Variants in CDH20 observed in about 807,000 individuals in gnomAD.
CDH20 encodes cadherin 20.
CDH20 carries 29 observed loss-of-function variants against 74.2 expected under a neutral mutation model. That is an observed-to-expected ratio of 0.39 (90% CI 0.29 to 0.53). The LOEUF (loss-of-function observed/expected upper bound fraction) is 0.53, where lower values mean the gene tolerates loss of function less well. CDH20 is among the 20% of genes least tolerant of loss of function. The pLI is 0.69. For missense variants in CDH20, 988 were observed against 1,048.3 expected, an observed-to-expected ratio of 0.94 and a Z score of 0.79; for synonymous variants, 469 against 405.4, an observed-to-expected ratio of 1.16 and a Z score of -1.88.
chr18:61,334,860 C>G (rs1449522451), intron 1 of CDH20, among the ~76,000 whole-genome samples: 1 of 138,880 alleles, frequency 7.2e-6, no homozygotes, highest in African/African-American at 2.5e-5. Context: ...GTTATTGGCA[C>G]GAGCACCAGG....
At chr18:61,400,177 T>C in intron 1 of CDH20, among the ~76,000 whole-genome samples, 1 of 152,184 alleles carries the variant, frequency 6.6e-6, no homozygotes, top group African/African-American at 2.4e-5. Context: ...TCCTGTTGCA[T>C]GTCCACCTCC....
intron 1 of CDH20, among the ~76,000 whole-genome samples, chr18:61,405,457 G>C (rs1205411752): frequency 6.6e-6 from 1 of 152,062 alleles, no homozygotes; most frequent in East Asian, 1.9e-4. Context: ...CTAAAAATTA[G>C]CTGGGGTAGG....
intron 1 of CDH20, among the ~76,000 whole-genome samples, chr18:61,470,170 C>T (rs1332192393): frequency 6.6e-6 from 1 of 152,184 alleles, no homozygotes; most frequent in African/African-American, 2.4e-5. Flanking sequence ...GTATCATACA[C>T]ACCAGAGCAC....
rs1345956883 is a variant in CDH20 at position 61,476,469 on chromosome 18, G to GA, written c.-152-13929dup. Among the ~76,000 whole-genome samples the GA allele has an allele frequency of 5.3e-5, 8 of 152,196 alleles. No individual in the cohort carries two copies. The East Asian group carries it at 1.5e-3, about 29-fold the overall frequency. ...AAATTCCTGATCCATAGAAAACTGT[G>GA]AAAATTAATAAAATGACTGCTGTAT... On this transcript the variant is annotated intron_variant, in intron 1 of 11. Transcript: ENST00000262717.
intron 7 of CDH20, among the ~76,000 whole-genome samples, chr18:61,534,573 AAAAG>A (rs71178980): frequency 0.14 from 21,611 of 152,176 alleles, 1,923 homozygotes; most frequent in East Asian, 0.41. Context: ...ACAGCTTTAG[AAAAG>A]AAAGAAATTC....
At chr18:61,336,838 G>A (rs1909779412) in intron 1 of CDH20, among the ~76,000 whole-genome samples, 2 of 150,074 alleles carry the variant, frequency 1.3e-5, no homozygotes, top group South Asian at 4.2e-4. Context: ...GATGAGAATA[G>A]GTCTTTTCAC....
chr18:61,538,608 G>GTTGTTTTTTT (rs1912904022), intron 8 of CDH20, among the ~76,000 whole-genome samples: 1 of 36,318 alleles, frequency 2.8e-5, no homozygotes, highest in African/African-American at 7.1e-5. Context: ...TTTTGTTTTT[G>GTTGTTTTTTT]TTTTTGTTTT....
chr18:61,499,183 C>T lies in CDH20; in HGVS notation c.247-3C>T. The stretch of plus-strand genomic sequence containing the variant: ...ATGAGAATTAGGTGCTTTCCTCTCC[C>T]AGCTTCATTCAGATATGGACAGGGG... On this transcript the variant is annotated splice_polypyrimidine_tract_variant and splice_region_variant and intron_variant, in intron 2 of 11. Coordinates refer to ENST00000262717, the MANE Select transcript of CDH20 (RefSeq NM_031891.4). 1 of 1,528,940 alleles carries T rather than the reference C, an allele frequency of 6.5e-7. No homozygotes were observed. Among genetic ancestry groups the T allele is most frequent in the South Asian group, 1.3e-5 (1 of 77,306 alleles). The allele number at this position is 1,528,940 out of a possible 1,614,324, so 94.7% of individuals were successfully genotyped here. A position where few individuals can be genotyped will look rare whatever the true frequency, so the allele number is the denominator to read the frequency against.
chr18:61,446,597 C>T (rs1909211521), intron 1 of CDH20, among the ~76,000 whole-genome samples: 2 of 152,058 alleles, frequency 1.3e-5, no homozygotes, highest in African/African-American at 4.8e-5. Flanking sequence ...TCCACAATTT[C>T]CCTCAGTTTA....
At chr18:61,368,460 A>T (rs990326443) in intron 1 of CDH20, among the ~76,000 whole-genome samples, 1 of 151,842 alleles carries the variant, frequency 6.6e-6, no homozygotes, top group African/African-American at 2.4e-5. Context: ...ACAACTACTA[A>T]ATGTAACAGA....
chr18:61,378,760 A>C (rs1911333622), intron 1 of CDH20, among the ~76,000 whole-genome samples: 1 of 152,308 alleles, frequency 6.6e-6, no homozygotes, highest in East Asian at 1.9e-4. Flanking sequence ...TCAGGTAGAT[A>C]ATAAGGGAAA....
At chr18:61,398,754 G>C (rs1390029055) in intron 1 of CDH20, among the ~76,000 whole-genome samples, 1 of 152,118 alleles carries the variant, frequency 6.6e-6, no homozygotes, top group Non-Finnish European at 1.5e-5. Flanking sequence ...CACTCTACAG[G>C]AATCAATGGC....
At chr18:61,522,859 C>T (rs995777004) in intron 6 of CDH20, among the ~76,000 whole-genome samples, 4 of 152,162 alleles carry the variant, frequency 2.6e-5, no homozygotes, top group African/African-American at 7.2e-5. Flanking sequence ...ACTGGCTAGC[C>T]ATATGCAGAA....
At chr18:61,537,837 A>G (rs896857281) in intron 8 of CDH20, among the ~76,000 whole-genome samples, 1 of 152,214 alleles carries the variant, frequency 6.6e-6, no homozygotes, top group African/African-American at 2.4e-5. Context: ...AGTAGAGCAT[A>G]ATTTTTTGGG....
intron 1 of CDH20, among the ~76,000 whole-genome samples, chr18:61,404,468 T>C (rs191470966): frequency 8.1e-4 from 123 of 152,282 alleles, no homozygotes; most frequent in South Asian, 2.3e-3. Flanking sequence ...TTCTTCAATA[T>C]CATATTAAAG....
chr18:61,538,596 G>GGTT (rs1912898968), intron 8 of CDH20, among the ~76,000 whole-genome samples: 1 of 24,518 alleles, frequency 4.1e-5, no homozygotes, highest in African/African-American at 9.8e-5. Context: ...TTGTTTGTTT[G>GGTT]TTTTTGTTTT....
At chr18:61,489,378 G>T (rs1315319325) in intron 1 of CDH20, among the ~76,000 whole-genome samples, 1 of 152,078 alleles carries the variant, frequency 6.6e-6, no homozygotes, top group African/African-American at 2.4e-5. Flanking sequence ...TTTGTTCTCA[G>T]ATGACAGCAG....
intron 6 of CDH20, 129 bp downstream of exon 6, chr18:61,507,689 T>TA (rs200287012): frequency 0.078 from 34,626 of 444,920 alleles, 365 homozygotes; most frequent in Middle Eastern, 0.13. Flanking sequence ...TCCTATTATT[T>TA]AAAAAAAAAA....
intron 1 of CDH20, among the ~76,000 whole-genome samples, chr18:61,384,601 A>C (rs1209675719): frequency 6.6e-6 from 1 of 152,204 alleles, no homozygotes; most frequent in Non-Finnish European, 1.5e-5. Flanking sequence ...TAAGTATCTG[A>C]TAGGTAATTC....
Sources: allele counts gnomAD v4.1 joint callset (sites outside exome capture counted in the v4.1 genomes callset), GRCh38; gene constraint gnomAD v4.1.1; transcripts MANE v1.5; gene names NCBI Gene and HGNC (gene_info 2026-07-23, HGNC 2026-07-21).